The following UNC5C variants were observed in gnomAD, a reference collection of about 807,000 sequenced individuals.
The protein encoded by UNC5C is netrin receptor UNC5C.
A neutral mutation model predicts 99.8 loss-of-function variants in UNC5C; 47 were observed. The ratio of observed to expected loss-of-function variants is 0.47; its 90% CI spans 0.37 to 0.60. The LOEUF is 0.60. Ranked by LOEUF, UNC5C falls within the 20% of genes least tolerant of loss-of-function variation. The probability of loss-of-function intolerance (pLI) is 0.00; values close to 1 mark genes in which losing one functional copy is unlikely to be tolerated. For synonymous variants in UNC5C, 487 were observed against 452.2 expected (o/e 1.08, Z -0.98); for missense variants, 1,062 against 1,165.9 (o/e 0.91, Z 1.30).
chr4:95,362,587 T>G (rs2149435448), intron 1 of UNC5C, among the ~76,000 whole-genome samples: 1 of 152,314 alleles, frequency 6.6e-6, no homozygotes, highest in African/African-American at 2.4e-5. Flanking sequence ...ATGTGTTTTT[T>G]ATCTTTTTGA....
intron 10 of UNC5C, among the ~76,000 whole-genome samples, chr4:95,213,108 G>A (rs1371664338): frequency 2.0e-5 from 3 of 152,120 alleles, no homozygotes; most frequent in Non-Finnish European, 2.9e-5. Context: ...GGCTCCCTGC[G>A]GTTTACAGAA....
At chr4:95,264,898 G>C (rs1207495011) in intron 4 of UNC5C, among the ~76,000 whole-genome samples, 1 of 152,084 alleles carries the variant, frequency 6.6e-6, no homozygotes. Context: ...CTCTTTCACT[G>C]GTCCTTTTAT....
At chr4:95,479,266 T>C (rs1721061327) in intron 1 of UNC5C, among the ~76,000 whole-genome samples, 1 of 152,034 alleles carries the variant, frequency 6.6e-6, no homozygotes, top group Non-Finnish European at 1.5e-5. Flanking sequence ...ATTAACTTTA[T>C]ATGTACATTC....
intron 1 of UNC5C, among the ~76,000 whole-genome samples, chr4:95,461,788 G>A (rs1304397431): frequency 6.6e-6 from 1 of 152,186 alleles, no homozygotes; most frequent in African/African-American, 2.4e-5. Context: ...AAGTCAATCA[G>A]AGGTGATGCG....
At chr4:95,402,499 T>C (rs1745728729) in intron 1 of UNC5C, among the ~76,000 whole-genome samples, 1 of 152,216 alleles carries the variant, frequency 6.6e-6, no homozygotes. Flanking sequence ...ATAATAATGG[T>C]TCCCTCTGTT....
At chr4:95,209,199 C>T (rs1737988458) in intron 10 of UNC5C, among the ~76,000 whole-genome samples, 1 of 152,160 alleles carries the variant, frequency 6.6e-6, no homozygotes, top group African/African-American at 2.4e-5. Context: ...AAAATTGGCA[C>T]AAACATGATG....
At chr4:95,254,984 GTGT>G (rs1191773407) in intron 4 of UNC5C, among the ~76,000 whole-genome samples, 2 of 151,050 alleles carry the variant, frequency 1.3e-5, no homozygotes, top group Non-Finnish European at 3.0e-5. Flanking sequence ...ACACCACTGT[GTGT>G]TGTTTTTTGT....
At chr4:95,327,729 C>T (rs758945772) in intron 2 of UNC5C, among the ~76,000 whole-genome samples, 66 of 152,086 alleles carry the variant, frequency 4.3e-4, no homozygotes, top group Non-Finnish European at 8.4e-4. Flanking sequence ...AGGAGCCTGG[C>T]CGCAGATGGC....
At chr4:95,306,637 A>T (rs919155614) in intron 2 of UNC5C, among the ~76,000 whole-genome samples, 7 of 152,214 alleles carry the variant, frequency 4.6e-5, no homozygotes, top group Admixed American at 3.9e-4. Flanking sequence ...AAAGTATCCT[A>T]ACTCAACTTT....
At chr4:95,200,347 G>A (rs185174986) in intron 12 of UNC5C, among the ~76,000 whole-genome samples, 289 of 151,914 alleles carry the variant, frequency 1.9e-3, no homozygotes, top group African/African-American at 6.7e-3. Flanking sequence ...CTCCTTCCTT[G>A]CAAAGCCAGG....
In UNC5C at chr4:95,511,627, A is replaced by G. The variant is rs79281479; in HGVS notation, c.124+37107T>C. 7.8e-3 allele frequency among the ~76,000 whole-genome samples: 1,183 copies of G among 152,216 alleles called. 19 individuals are homozygous for G. Among genetic ancestry groups the G allele is most frequent in the African/African-American group, 0.027 (1,114 of 41,532 alleles). On this transcript the variant is annotated intron_variant, in intron 1 of 15. Coordinates refer to ENST00000453304, the MANE Select transcript of UNC5C (RefSeq NM_003728.4). ...GCAGATACTTGCATAACCTCTATTT[A>G]GGTTTCATGGATACAACAGTAACCA...
chr4:95,220,143 A>T lies in UNC5C; in HGVS notation c.1142T>A (p.Val381Asp), dbSNP rs745704670. ...AACGATCACTGCTATCACAATCCCA[A>T]CATAGAGAGCAACATCATCTGAATC... ...APDSDDVALY[V>D]GIVIAVIVCL... The change falls in exon 8 of 16, where the codon GTT (valine) becomes GAT (aspartate). Residue 381 changes from valine (V) to aspartate (D), a missense_variant. Physicochemically the swap from Val to Asp is radical, Grantham distance 152. Coordinates refer to ENST00000453304, the MANE Select transcript of UNC5C (RefSeq NM_003728.4). 2 of 1,613,978 alleles carry T rather than the reference A, an allele frequency of 1.2e-6. No homozygotes were observed. The highest frequency in any genetic ancestry group is 1.7e-6 in the Non-Finnish European group (2 of 1,179,942).
intron 9 of UNC5C, among the ~76,000 whole-genome samples, chr4:95,217,645 C>G (rs1738298221): frequency 6.6e-6 from 1 of 152,170 alleles, no homozygotes; most frequent in Non-Finnish European, 1.5e-5. Flanking sequence ...TCACTCCCTT[C>G]CACTTAAGAG....
chr4:95,178,969 CT>C (rs1339332722), intron 14 of UNC5C, among the ~76,000 whole-genome samples: 42 of 152,334 alleles, frequency 2.8e-4, no homozygotes, highest in African/African-American at 1.0e-3. Flanking sequence ...TACATTTCAT[CT>C]AGTAATTTTA....
chr4:95,535,534 T>A (rs1722752023), intron 1 of UNC5C, among the ~76,000 whole-genome samples: 1 of 152,198 alleles, frequency 6.6e-6, no homozygotes, highest in Non-Finnish European at 1.5e-5. Flanking sequence ...ATGACGCTGT[T>A]AATTACAATT....
At chr4:95,304,939 A>G (rs908138419) in intron 2 of UNC5C, among the ~76,000 whole-genome samples, 1 of 152,186 alleles carries the variant, frequency 6.6e-6, no homozygotes, top group African/African-American at 2.4e-5. Flanking sequence ...CTTTAGCTCA[A>G]ATAGGCTCAT....
intron 4 of UNC5C, among the ~76,000 whole-genome samples, chr4:95,258,864 C>T (rs1411903819): frequency 6.7e-6 from 1 of 148,198 alleles, no homozygotes; most frequent in African/African-American, 2.5e-5. Context: ...CGGGTTCACG[C>T]CATTCTCCTG....
At chr4:95,535,578 C>T (rs1578214496) in intron 1 of UNC5C, among the ~76,000 whole-genome samples, 3 of 152,240 alleles carry the variant, frequency 2.0e-5, no homozygotes, top group South Asian at 4.1e-4. Flanking sequence ...TTGGAATCTT[C>T]GCCTTGAAAA....
chr4:95,294,511 G>A lies in UNC5C; in HGVS notation c.490+7095C>T, dbSNP rs1035804079. Among the ~76,000 whole-genome samples the A allele has an allele frequency of 3.9e-4, 59 of 152,152 alleles. 1 individual carries two copies. The highest frequency in any genetic ancestry group is 1.4e-3 in the African/African-American group (57 of 41,432). The stretch of plus-strand genomic sequence containing the variant: ...CGGAGGAGCCATCCTGCTGTTCCCC[G>A]GAAGATGAATCTTGGGTGCATGTAA... On this transcript the variant is annotated intron_variant, in intron 3 of 15. Coordinates refer to ENST00000453304, the MANE Select transcript of UNC5C (RefSeq NM_003728.4).
Sources: allele counts gnomAD v4.1 joint callset (sites outside exome capture counted in the v4.1 genomes callset), GRCh38; gene constraint gnomAD v4.1.1; transcripts MANE v1.5; gene names NCBI Gene and HGNC (gene_info 2026-07-23, HGNC 2026-07-21).